SMC1A: variants seen among roughly 807,000 people sequenced by gnomAD.
The protein encoded by SMC1A is structural maintenance of chromosomes 1A.
A neutral mutation model predicts 94.5 loss-of-function variants in SMC1A; 4 were observed. The ratio of observed to expected loss-of-function variants is 0.04; its 90% CI spans 0.02 to 0.10. The LOEUF is 0.10. Among genes scored for constraint, SMC1A ranks in the 10% least tolerant of loss-of-function variants. The probability of loss-of-function intolerance (pLI) is 1.00; values close to 1 mark genes in which losing one functional copy is unlikely to be tolerated. For missense variants in SMC1A, 304 were observed against 989.0 expected (o/e 0.31, Z 9.29); for synonymous variants, 345 against 347.7 (o/e 0.99, Z 0.09).
At chrX:53,390,998 G>GAAAAAAAAAA (rs2075626939) in intron 19 of SMC1A, among the ~76,000 whole-genome samples, 6 of 45,349 alleles carry the variant, frequency 1.3e-4, no homozygotes, top group Admixed American at 2.8e-4. Flanking sequence ...AAAAAAAAAA[G>GAAAAAAAAAA]AAAAAGAAAA....
Position 53,374,275 on chromosome X carries a change from GCTTAT to G in SMC1A, c.*5823_*5827del, listed in dbSNP as rs1291884734. The stretch of plus-strand genomic sequence containing the variant: ...TGATCCAAAGCAGCTCTAGAGCCTG[GCTTAT>G]CTTGTCACCCCCTCAGCTGCAGGCA... On this transcript the variant is annotated 3_prime_UTR_variant, in exon 25 of 25. Transcript: ENST00000322213. The G allele has an allele frequency of 8.9e-6, 1 of 111,780 alleles. No homozygotes were observed. Among genetic ancestry groups the G allele is most frequent in the Non-Finnish European group, 1.9e-5 (1 of 53,101 alleles). 9.2% of individuals were successfully genotyped at this position (111,780 alleles called of 1,213,427 possible).
intron 19 of SMC1A, among the ~76,000 whole-genome samples, chrX:53,388,083 CCTGA>C (rs1193530024): frequency 1.8e-5 from 2 of 111,123 alleles, no homozygotes; most frequent in Admixed American, 9.6e-5. Context: ...TTTTGCAACC[CCTGA>C]CTAATTAATG....
chrX:53,419,520 C>T (rs1394422168), intron 1 of SMC1A, among the ~76,000 whole-genome samples: 3 of 104,338 alleles, frequency 2.9e-5, no homozygotes, highest in Admixed American at 1.0e-4. Context: ...GAGCAAGACC[C>T]TGACTCCAAA....
chrX:53,388,643 T>C (rs1044717322), intron 19 of SMC1A, among the ~76,000 whole-genome samples: 3 of 109,625 alleles, frequency 2.7e-5, no homozygotes, highest in African/African-American at 1.0e-4. Flanking sequence ...AGGCTAAACA[T>C]AATATAGTAT....
rs1556886144 is a variant in SMC1A at position 53,383,273 on chromosome X, C to G, written c.2974-20G>C. ...GGCATCCTGTAAGCCCCAGGCCCAG[C>G]AATGTCAAGAAGGGCCTGGCCCCTG... On this transcript the variant is annotated intron_variant, in intron 19 of 24. Transcript: ENST00000322213. 5.2e-6 allele frequency: 6 copies of G among 1,164,676 alleles called. No individual in the cohort carries two copies. The Admixed American group carries it at 7.7e-5, about 15-fold the overall frequency.
At chrX:53,389,698 C>A in intron 19 of SMC1A, among the ~76,000 whole-genome samples, 1 of 109,772 alleles carries the variant, frequency 9.1e-6, no homozygotes, top group Non-Finnish European at 1.9e-5. Context: ...CCCCTGCACA[C>A]CAGCCCGTGA....
chrX:53,388,515 GAC>G (rs1556886708), intron 19 of SMC1A, among the ~76,000 whole-genome samples: 1 of 107,363 alleles, frequency 9.3e-6, no homozygotes, highest in East Asian at 2.9e-4. Flanking sequence ...TCTGAATTGA[GAC>G]GTGCTGTGTT....
chrX:53,374,289 C>T lies in SMC1A; in HGVS notation c.*5814G>A, dbSNP rs2075551903. 1 of 111,794 alleles carries T rather than the reference C, an allele frequency of 8.9e-6. No homozygotes were observed. The allele number at this position is 111,794 out of a possible 1,213,427, so 9.2% of individuals were successfully genotyped here. A position where few individuals can be genotyped will look rare whatever the true frequency, so the allele number is the denominator to read the frequency against. On this transcript the variant is annotated 3_prime_UTR_variant, in exon 25 of 25. Coordinates refer to ENST00000322213, the MANE Select transcript of SMC1A (RefSeq NM_006306.4). ...TCTAGAGCCTGGCTTATCTTGTCAC[C>T]CCCTCAGCTGCAGGCATCTGTTGCT...
In SMC1A at chrX:53,377,946, G is replaced by T. The variant is rs1012044359; in HGVS notation, c.*2157C>A. 8.9e-6 allele frequency: 1 copy of T among 112,062 alleles called. No individual in the cohort carries two copies. Among genetic ancestry groups the T allele is most frequent in the Non-Finnish European group, 1.9e-5 (1 of 53,222 alleles). The allele number at this position is 112,062 out of a possible 1,213,427, so 9.2% of individuals were successfully genotyped here. A position where few individuals can be genotyped will look rare whatever the true frequency, so the allele number is the denominator to read the frequency against. ...GCACACAGTACCACCAGTGGTACGT[G>T]ACTTCTTTGGTTGAAAACAGACAAA... On this transcript the variant is annotated 3_prime_UTR_variant, in exon 25 of 25. Coordinates refer to ENST00000322213, the MANE Select transcript of SMC1A (RefSeq NM_006306.4).
chrX:53,421,383 A>G (rs1354665198), intron 1 of SMC1A, among the ~76,000 whole-genome samples: 1 of 112,370 alleles, frequency 8.9e-6, no homozygotes, highest in African/African-American at 3.2e-5. Context: ...ATCTCGCTGG[A>G]AATGTCAATA....
intron 19 of SMC1A, among the ~76,000 whole-genome samples, chrX:53,390,973 C>CAAAAAAAAA (rs782771730): frequency 3.8e-4 from 13 of 34,318 alleles, no homozygotes; most frequent in East Asian, 1.3e-3. Flanking sequence ...GACTCCGTCT[C>CAAAAAAAAA]AAAAAAAAAA....
chrX:53,409,604 G>C (rs782131860), intron 7 of SMC1A, 101 bp from the exon 8 acceptor site: 14 of 642,813 alleles, frequency 2.2e-5, no homozygotes, highest in Non-Finnish European at 2.6e-5. Context: ...TCCAAGAGCC[G>C]AACAGTCCAG....
intron 1 of SMC1A, chrX:53,421,909 TG>T: frequency 2.1e-6 from 2 of 957,737 alleles, no homozygotes; most frequent in Non-Finnish European, 2.8e-6. Flanking sequence ...GACATAGCGG[TG>T]GGGGGTGGGG....
chrX:53,383,058 T>G (rs782214830), intron 20 of SMC1A, 39 bp downstream of exon 20: 5 of 1,180,139 alleles, frequency 4.2e-6, no homozygotes. Context: ...CTTAGCCTCT[T>G]GTCCTCATCG....
At position 53,413,452 on chromosome X, in the gene SMC1A, C is replaced by T. The variant is rs2075720990; in HGVS notation, c.412-17G>A. On this transcript the variant is annotated splice_polypyrimidine_tract_variant and intron_variant, in intron 3 of 24. Coordinates refer to ENST00000322213, the MANE Select transcript of SMC1A (RefSeq NM_006306.4). ...CACAGCACCCTAGTAAAGGTCGAAA[C>T]ACTCTTCCACTTCAGACCCCAGCCA... 17 of 1,191,722 alleles carry T rather than the reference C, an allele frequency of 1.4e-5. No homozygotes were observed. The highest frequency in any genetic ancestry group is 1.8e-5 in the Non-Finnish European group (16 of 879,490).
intron 18 of SMC1A, among the ~76,000 whole-genome samples, chrX:53,395,252 A>C (rs1008580152): frequency 4.4e-5 from 5 of 112,580 alleles, no homozygotes; most frequent in Non-Finnish European, 9.4e-5. Flanking sequence ...CTGAGGCACA[A>C]GAATCACTTG....
Position 53,422,632 on chromosome X carries a change from G to C in SMC1A, c.-32C>G. 1 of 988,972 alleles carries C rather than the reference G, an allele frequency of 1.0e-6. No homozygotes were observed. The highest frequency in any genetic ancestry group is 1.4e-6 in the Non-Finnish European group (1 of 694,552). The allele number at this position is 988,972 out of a possible 1,213,427, so 81.5% of individuals were successfully genotyped here. A position where few individuals can be genotyped will look rare whatever the true frequency, so the allele number is the denominator to read the frequency against. On this transcript the variant is annotated 5_prime_UTR_variant, in exon 1 of 25. Transcript: ENST00000322213. ...CGCGGCGCCGGCGGCAGTAGGACAG[G>C]CCGCGCCGTACGCCCGAGAACTGAG...
intron 19 of SMC1A, 26 bp downstream of exon 19, chrX:53,394,738 CAACCCCCACCCCCA>C: frequency 2.0e-6 from 1 of 503,402 alleles, no homozygotes; most frequent in Non-Finnish European, 3.4e-6. Flanking sequence ...CACTCCCACC[CAACCCCCACCCCCA>C]CCACACCCCT....
At chrX:53,420,251 C>T (rs2075749393) in intron 1 of SMC1A, among the ~76,000 whole-genome samples, 1 of 111,814 alleles carries the variant, frequency 8.9e-6, no homozygotes, top group Non-Finnish European at 1.9e-5. Flanking sequence ...TGGCTGGGTG[C>T]AGTGGCTCAT....
Sources: allele counts gnomAD v4.1 joint callset (sites outside exome capture counted in the v4.1 genomes callset), GRCh38; gene constraint gnomAD v4.1.1; transcripts MANE v1.5; gene names NCBI Gene and HGNC (gene_info 2026-07-23, HGNC 2026-07-21).